Variants in EDN1 observed in about 807,000 individuals in gnomAD.
The protein encoded by EDN1 is endothelin 1, also known as endothelin-1.
A neutral mutation model predicts 21.7 loss-of-function variants in EDN1; 11 were observed. The ratio of observed to expected loss-of-function variants is 0.51; its 90% CI spans 0.32 to 0.84. The LOEUF is 0.84. Ranked by LOEUF, EDN1 falls within the 40% of genes least tolerant of loss-of-function variation. The pLI, the probability that EDN1 is intolerant of heterozygous loss-of-function variation, is 0.03. For synonymous variants in EDN1, 85 were observed against 90.6 expected (o/e 0.94, Z 0.35); for missense variants, 244 against 262.3 (o/e 0.93, Z 0.48).
chr6:12,243,454 A>G, the EDN1 span, among the ~76,000 whole-genome samples: 1 of 152,150 alleles, frequency 6.6e-6, no homozygotes, highest in African/African-American at 2.4e-5. Context: ...ATCCTTGTGC[A>G]AGTGGATCTG....
chr6:12,287,380 C>CTTAAGTGGA (rs970777397), upstream of EDN1, among the ~76,000 whole-genome samples: 2 of 151,810 alleles, frequency 1.3e-5, no homozygotes, highest in Non-Finnish European at 2.9e-5. Flanking sequence ...CTAGCAGTGC[C>CTTAAGTGGA]TTAAGTGGAG....
In EDN1 at chr6:12,296,564, G is replaced by A. The variant is rs185307338; in HGVS notation, c.*497G>A. ...AAAGAAAAAAAAAAGAAAGACTTTT[G>A]TTTAAATTTGTAAAATGCAAAACTG... On this transcript the variant is annotated 3_prime_UTR_variant, in exon 5 of 5. Coordinates refer to ENST00000379375, the MANE Select transcript of EDN1 (RefSeq NM_001955.5). 6.2e-6 allele frequency: 1 copy of A among 161,110 alleles called. No homozygotes were observed. The highest frequency in any genetic ancestry group is 2.4e-5 in the African/African-American group (1 of 41,674). 10.0% of individuals were successfully genotyped at this position (161,110 alleles called of 1,614,324 possible).
At chr6:12,258,960 T>A in the EDN1 span, among the ~76,000 whole-genome samples, 2 of 152,162 alleles carry the variant, frequency 1.3e-5, no homozygotes, top group African/African-American at 4.8e-5. Context: ...ATTTAAAAAA[T>A]TAAACTACTA....
chr6:12,261,804 C>G, the EDN1 span, among the ~76,000 whole-genome samples: 3 of 152,032 alleles, frequency 2.0e-5, no homozygotes, highest in African/African-American at 7.2e-5. Context: ...AGCAGGGTTT[C>G]CAGAAGACAT....
the EDN1 span, among the ~76,000 whole-genome samples, chr6:12,255,755 TA>T: frequency 4.5e-3 from 687 of 152,374 alleles, 7 homozygotes; most frequent in African/African-American, 0.016. Context: ...GACAGACCAA[TA>T]GTCTAAGCCC....
chr6:12,234,716 G>A, the EDN1 span, among the ~76,000 whole-genome samples: 6 of 152,122 alleles, frequency 3.9e-5, no homozygotes, highest in African/African-American at 2.4e-5. Context: ...AATCCTACCT[G>A]GAACTCACTC....
the EDN1 span, among the ~76,000 whole-genome samples, chr6:12,269,364 T>C: frequency 2.0e-5 from 3 of 151,910 alleles, no homozygotes; most frequent in African/African-American, 7.2e-5. Context: ...CCATTACTGT[T>C]TTTAATGAAA....
At position 12,292,198 on chromosome 6, in the gene EDN1, T is replaced by C. The variant is rs1348325623; in HGVS notation, c.65-143T>C. Reference sequence around the variant, plus strand: ...AAGGAGGGAAAAAAATAAAGAGCCCTTTTTTCTGTGTTTCTTGCTGATGGC... The same window carrying C: ...AAGGAGGGAAAAAAATAAAGAGCCCCTTTTTCTGTGTTTCTTGCTGATGGC... On this transcript the variant is annotated intron_variant, in intron 1 of 4. Transcript: ENST00000379375. 13 of 1,237,108 alleles carry C rather than the reference T, an allele frequency of 1.1e-5. No homozygotes were observed. In the Middle Eastern group the frequency reaches 5.8e-4, roughly 55 times the overall value. The allele number at this position is 1,237,108 out of a possible 1,614,324, so 76.6% of individuals were successfully genotyped here.
the EDN1 span, among the ~76,000 whole-genome samples, chr6:12,284,964 A>G: frequency 6.6e-6 from 1 of 152,172 alleles, no homozygotes; most frequent in African/African-American, 2.4e-5. Flanking sequence ...CTTTCCCTGC[A>G]TCAGAGTCCC....
Position 12,292,399 on chromosome 6 carries a change from C to G in EDN1, c.123C>G (p.Pro41=), listed in dbSNP as rs367902098. ...AGAACGGCGGGGAGAAACCCACTCC[C>G]AGTCCACCCTGGCGGCTCCGCCGGT... ...VGENGGEKPT[P]SPPWRLRRSK... is the part of the protein sequence containing the mutation. The change falls in exon 2 of 5, where the codon CCC becomes CCG. Residue 41 remains proline, a synonymous_variant. Coordinates refer to ENST00000379375, the MANE Select transcript of EDN1 (RefSeq NM_001955.5). 1 of 1,614,088 alleles carries G rather than the reference C, an allele frequency of 6.2e-7. No homozygotes were observed. Among genetic ancestry groups the G allele is most frequent in the Non-Finnish European group, 8.5e-7 (1 of 1,180,046 alleles).
chr6:12,284,505 A>AAAGGAAGG, the EDN1 span, among the ~76,000 whole-genome samples: 4 of 150,454 alleles, frequency 2.7e-5, no homozygotes, highest in African/African-American at 9.8e-5. Flanking sequence ...ATTTGTCTAA[A>AAAGGAAGG]AAGGAAGGAA....
the EDN1 span, among the ~76,000 whole-genome samples, chr6:12,272,947 G>T: frequency 4.6e-5 from 7 of 152,206 alleles, no homozygotes; most frequent in Admixed American, 4.6e-4. Context: ...TGCTATTCCA[G>T]GTGTTAATCA....
At chr6:12,274,990 C>T in the EDN1 span, among the ~76,000 whole-genome samples, 79 of 139,366 alleles carry the variant, frequency 5.7e-4, no homozygotes, top group African/African-American at 1.9e-3. Flanking sequence ...CCTTCCCTCC[C>T]TCCCTCCCTC....
the EDN1 span, among the ~76,000 whole-genome samples, chr6:12,238,952 T>G: frequency 2.2e-4 from 33 of 152,350 alleles, no homozygotes; most frequent in African/African-American, 7.9e-4. Context: ...TTATATCAGT[T>G]GGGTGAGTTT....
At chr6:12,235,263 C>T in the EDN1 span, among the ~76,000 whole-genome samples, 1 of 152,174 alleles carries the variant, frequency 6.6e-6, no homozygotes, top group Non-Finnish European at 1.5e-5. Context: ...CCTCAGCTTT[C>T]TCCGTTTCCT....
chr6:12,272,951 T>C, the EDN1 span, among the ~76,000 whole-genome samples: 1 of 152,196 alleles, frequency 6.6e-6, no homozygotes, highest in Admixed American at 6.5e-5. Flanking sequence ...ATTCCAGGTG[T>C]TAATCAATGT....
the EDN1 span, among the ~76,000 whole-genome samples, chr6:12,237,726 T>C: frequency 8.5e-5 from 13 of 152,196 alleles, no homozygotes; most frequent in African/African-American, 3.1e-4. Context: ...CGAGCTCCAG[T>C]TGAAGAATGT....
At chr6:12,287,181 G>GAA (rs67690443), upstream of EDN1, among the ~76,000 whole-genome samples, 7 of 147,552 alleles carry the variant, frequency 4.7e-5, no homozygotes, top group East Asian at 1.4e-3. Context: ...TTCTATTGGG[G>GAA]AAAAAAAAAA....
chr6:12,274,268 G>A, the EDN1 span, among the ~76,000 whole-genome samples: 2 of 152,300 alleles, frequency 1.3e-5, no homozygotes, highest in African/African-American at 2.4e-5. Context: ...AAAAGCATAA[G>A]GCAATTAGCA....
Sources: gnomAD v4.1 joint callset for allele counts (sites outside exome capture counted in the v4.1 genomes callset) on GRCh38, gnomAD v4.1.1 for gene constraint, MANE v1.5 for transcripts, NCBI Gene and HGNC (gene_info 2026-07-23, HGNC 2026-07-21) for gene names.